ICA1: variants seen among roughly 807,000 people sequenced by gnomAD.
The protein encoded by ICA1 is 69 kDa islet cell autoantigen.
ICA1 carries 40 observed loss-of-function variants against 71.0 expected under a neutral mutation model. The observed-to-expected ratio is 0.56, with a 90% CI of 0.44 to 0.73. The LOEUF is 0.73. Among genes scored for constraint, ICA1 ranks in the 30% least tolerant of loss-of-function variants. The pLI is 0.00. For synonymous variants in ICA1, 207 were observed against 209.5 expected (o/e 0.99, Z 0.10); for missense variants, 578 against 576.5 (o/e 1.00, Z -0.03).
At chr7:8,237,979 C>A (rs1293047959) in intron 1 of ICA1, among the ~76,000 whole-genome samples, 1 of 151,994 alleles carries the variant, frequency 6.6e-6, no homozygotes, top group African/African-American at 2.4e-5. Context: ...TTGGAAGCTG[C>A]AACTATAGGC....
intron 6 of ICA1, among the ~76,000 whole-genome samples, chr7:8,172,179 G>C (rs1183667611): frequency 6.6e-6 from 1 of 151,998 alleles, no homozygotes; most frequent in Non-Finnish European, 1.5e-5. Context: ...ATTACTGAAA[G>C]ATGAGTGTTG....
chr7:8,246,047 C>T (rs558535614), intron 1 of ICA1, among the ~76,000 whole-genome samples: 4 of 152,254 alleles, frequency 2.6e-5, no homozygotes, highest in South Asian at 4.2e-4. Flanking sequence ...CCACTTCTGC[C>T]ACAAGGCCCT....
chr7:8,261,079 G>A (rs1584015775), intron 1 of ICA1, among the ~76,000 whole-genome samples: 2 of 152,110 alleles, frequency 1.3e-5, no homozygotes, highest in South Asian at 2.1e-4. Context: ...TATTTTCCAG[G>A]CCTTGATAAT....
chr7:8,120,938 C>T (rs1298977695), intron 13 of ICA1, among the ~76,000 whole-genome samples: 2 of 152,138 alleles, frequency 1.3e-5, no homozygotes, highest in East Asian at 1.9e-4. Context: ...TGGGGCTGCC[C>T]GTGAAGGGGA....
At chr7:8,229,189 T>C (rs1799511300) in intron 3 of ICA1, among the ~76,000 whole-genome samples, 1 of 152,236 alleles carries the variant, frequency 6.6e-6, no homozygotes, top group Admixed American at 6.6e-5. Context: ...CTGGATGTCC[T>C]GTCTATTTAG....
At chr7:8,191,692 A>C (rs1187724448) in intron 6 of ICA1, among the ~76,000 whole-genome samples, 1 of 152,062 alleles carries the variant, frequency 6.6e-6, no homozygotes, top group Non-Finnish European at 1.5e-5. Flanking sequence ...GTTATATAAT[A>C]CATATTGCCT....
upstream of ICA1, chr7:8,262,243 A>T (rs1383675538): frequency 6.6e-6 from 1 of 151,938 alleles, no homozygotes; most frequent in Non-Finnish European, 1.5e-5. Context: ...CACCAGCCGG[A>T]ATAGCAACCG....
At chr7:8,137,711 G>A (rs1456822707) in intron 12 of ICA1, among the ~76,000 whole-genome samples, 9 of 152,210 alleles carry the variant, frequency 5.9e-5, no homozygotes, top group African/African-American at 2.4e-5. Context: ...TGCATAGTAT[G>A]CTACCTGTCG....
rs777413584 is a variant in ICA1, at chr7:8,234,127, G to A, written c.18-1372C>T. 3.3e-5 allele frequency among the ~76,000 whole-genome samples: 5 copies of A among 152,122 alleles called. No homozygotes were observed. Among genetic ancestry groups the A allele is most frequent in the Non-Finnish European group, 7.4e-5 (5 of 68,024 alleles). ...GCTACTCAGCAGACTGAAGTGGGTG[G>A]ATTGTTCAAGTCCAGGAGTTTGAGG... On this transcript the variant is annotated intron_variant, in intron 2 of 13. Coordinates refer to ENST00000402384, the MANE Select transcript of ICA1 (RefSeq NM_001136020.3). This position sits in a 1 kb window ranked among gnomAD's most constrained non-coding sequence, Gnocchi z 4.5.
chr7:8,135,448 C>T (rs1793083663), intron 12 of ICA1, among the ~76,000 whole-genome samples: 1 of 152,076 alleles, frequency 6.6e-6, no homozygotes, highest in Non-Finnish European at 1.5e-5. Context: ...CAGTACATCC[C>T]AGGATGCTGA....
rs1796221546 is a variant in ICA1 at position 8,144,442 on chromosome 7, AG to A, written c.805-471del. Among the ~76,000 whole-genome samples the A allele has an allele frequency of 1.3e-5, 2 of 152,242 alleles. No homozygotes were observed. Among genetic ancestry groups the A allele is most frequent in the African/African-American group, 2.4e-5 (1 of 41,476 alleles). On this transcript the variant is annotated intron_variant, in intron 8 of 13. Coordinates refer to ENST00000402384, the MANE Select transcript of ICA1 (RefSeq NM_001136020.3). The surrounding 1 kb of genome is among the most constrained non-coding windows in gnomAD (Gnocchi z 4.5). ...TTTGCTATTTTGCAATCTAAAACCC[AG>A]TTTTAAAAAATAACAGAAAACAAAA... is the stretch of plus-strand genomic sequence containing the variant.
chr7:8,137,477 TAAG>T (rs1422629295), intron 12 of ICA1, among the ~76,000 whole-genome samples: 1 of 152,168 alleles, frequency 6.6e-6, no homozygotes, highest in Non-Finnish European at 1.5e-5. Context: ...CTGACTTTGG[TAAG>T]AATAAAATAT....
At chr7:8,129,946 A>G (rs1203031192) in intron 12 of ICA1, among the ~76,000 whole-genome samples, 1 of 116,042 alleles carries the variant, frequency 8.6e-6, no homozygotes, top group Non-Finnish European at 1.8e-5. Context: ...GAGATAGAAT[A>G]TGCGGTATTT....
intron 8 of ICA1, among the ~76,000 whole-genome samples, chr7:8,154,922 G>C (rs1042772338): frequency 2.0e-5 from 3 of 152,054 alleles, no homozygotes; most frequent in African/African-American, 7.2e-5. Flanking sequence ...TCATATTTGA[G>C]TCCACATAAA....
In ICA1 at chr7:8,203,923, G is replaced by T. The variant is rs77966896; in HGVS notation, c.579+14382C>A. 2.2e-3 allele frequency among the ~76,000 whole-genome samples: 332 copies of T among 152,038 alleles called. 6 individuals are homozygous for T. The highest frequency in any genetic ancestry group is 0.017 in the Admixed American group (252 of 15,270). On this transcript the variant is annotated intron_variant, in intron 6 of 13. Coordinates refer to ENST00000402384, the MANE Select transcript of ICA1 (RefSeq NM_001136020.3). ...GAGCCTACTCTTGCAGGATTCAGGC[G>T]CCAGACAGACCCCAAGGAATTCAGG...
At chr7:8,127,333 T>C (rs148005099) in intron 13 of ICA1, among the ~76,000 whole-genome samples, 276 of 152,164 alleles carry the variant, frequency 1.8e-3, no homozygotes, top group African/African-American at 6.4e-3. Flanking sequence ...CTATTTTTTC[T>C]GTGGCTGAGG....
intron 1 of ICA1, among the ~76,000 whole-genome samples, chr7:8,252,790 ACT>A (rs1808640577): frequency 6.6e-6 from 1 of 151,628 alleles, no homozygotes; most frequent in African/African-American, 2.4e-5. Context: ...CTTATTTATT[ACT>A]TTTTTATATT....
At chr7:8,164,989 A>G (rs1805367774) in intron 6 of ICA1, among the ~76,000 whole-genome samples, 1 of 152,136 alleles carries the variant, frequency 6.6e-6, no homozygotes, top group African/African-American at 2.4e-5. Context: ...AGGTGGGAGG[A>G]TTGCCTGAGC....
chr7:8,238,791 T>C (rs904881393), intron 1 of ICA1, among the ~76,000 whole-genome samples: 2 of 152,192 alleles, frequency 1.3e-5, no homozygotes, highest in African/African-American at 2.4e-5. Context: ...CAGATCATGA[T>C]ACCATACGGC....
Sources: allele counts gnomAD v4.1 joint callset (sites outside exome capture counted in the v4.1 genomes callset), GRCh38; gene constraint gnomAD v4.1.1; non-coding constraint Gnocchi (gnomAD v3.1); transcripts MANE v1.5; gene names NCBI Gene and HGNC (gene_info 2026-07-23, HGNC 2026-07-21).